The following KCNMA1 variants were observed in gnomAD, a reference collection of about 807,000 sequenced individuals.
KCNMA1 encodes Calcium-activated potassium channel subunit alpha-1.
A neutral mutation model predicts 140.0 loss-of-function variants in KCNMA1; 29 were observed. That is an observed-to-expected ratio of 0.21 (90% CI 0.15 to 0.28). KCNMA1 has a LOEUF of 0.28. Among genes scored for constraint, KCNMA1 ranks in the 10% least tolerant of loss-of-function variants. The pLI, the probability that KCNMA1 is intolerant of heterozygous loss-of-function variation, is 1.00. For missense variants in KCNMA1, 880 were observed against 1,602.2 expected (o/e 0.55, Z 7.70); for synonymous variants, 612 against 611.9 (o/e 1.00, Z 0.00).
At chr10:77,126,146 A>G (rs2097727746) in intron 5 of KCNMA1, among the ~76,000 whole-genome samples, 1 of 152,150 alleles carries the variant, frequency 6.6e-6, no homozygotes, top group Admixed American at 6.5e-5. Flanking sequence ...TTTATTCTAT[A>G]AAATCTCTGA....
chr10:76,917,038 T>A (rs1245747131), intron 23 of KCNMA1, among the ~76,000 whole-genome samples: 1 of 152,214 alleles, frequency 6.6e-6, no homozygotes, highest in Non-Finnish European at 1.5e-5. Context: ...AACTTTCGAA[T>A]ATATGTTTTT....
chr10:77,519,337 T>C (rs1164118234), intron 1 of KCNMA1, among the ~76,000 whole-genome samples: 1 of 152,242 alleles, frequency 6.6e-6, no homozygotes, highest in Non-Finnish European at 1.5e-5. Flanking sequence ...TATCCAGAGA[T>C]GAAAGGCTCC....
intron 19 of KCNMA1, among the ~76,000 whole-genome samples, chr10:76,983,146 A>G (rs1017376977): frequency 5.9e-5 from 9 of 152,226 alleles, no homozygotes; most frequent in Admixed American, 3.9e-4. Flanking sequence ...TATTTTCAAA[A>G]AATCATTTTC....
intron 1 of KCNMA1, among the ~76,000 whole-genome samples, chr10:77,616,068 T>C (rs1476851329): frequency 6.6e-6 from 1 of 152,182 alleles, no homozygotes. Context: ...TAATGCAAGG[T>C]AGAGCCAGGA....
chr10:77,208,002 G>A lies in KCNMA1; in HGVS notation c.603-23086C>T, dbSNP rs531193247. Among the ~76,000 whole-genome samples, 9 of 152,292 alleles carry A rather than the reference G, an allele frequency of 5.9e-5. No homozygotes were observed. In the South Asian group the frequency reaches 6.2e-4, roughly 11 times the overall value. ...TTCGCTTGCTTTGTGTAAACTGGCC[G>A]CACTTCTTTTGTCCTCATTTGGAAA... is the stretch of plus-strand genomic sequence containing the variant. On this transcript the variant is annotated intron_variant, in intron 3 of 27. Coordinates refer to ENST00000286628, the MANE Select transcript of KCNMA1 (RefSeq NM_001161352.2).
chr10:77,509,775 T>C (rs1397509850), intron 1 of KCNMA1, among the ~76,000 whole-genome samples: 1 of 152,158 alleles, frequency 6.6e-6, no homozygotes, highest in African/African-American at 2.4e-5. Flanking sequence ...AAAACAAAAA[T>C]TAACGTTATG....
At chr10:77,090,760 G>C (rs938516300) in intron 9 of KCNMA1, 15 of 563,340 alleles carry the variant, frequency 2.7e-5, no homozygotes, top group Non-Finnish European at 6.4e-6. Context: ...CCTATTAAAA[G>C]CCCAACTGTT....
At chr10:77,633,852 A>C (rs2093465184) in intron 1 of KCNMA1, among the ~76,000 whole-genome samples, 3 of 152,230 alleles carry the variant, frequency 2.0e-5, no homozygotes, top group Admixed American at 2.0e-4. Flanking sequence ...TTCCCCAGTT[A>C]TTTAAAGAGA....
intron 2 of KCNMA1, among the ~76,000 whole-genome samples, chr10:77,397,431 G>T (rs2096096311): frequency 6.6e-6 from 1 of 152,134 alleles, no homozygotes; most frequent in South Asian, 2.1e-4. Context: ...ATAATGATTA[G>T]ATCAGGGTAA....
intron 1 of KCNMA1, among the ~76,000 whole-genome samples, chr10:77,439,354 A>C (rs1029433753): frequency 2.6e-5 from 4 of 152,216 alleles, no homozygotes; most frequent in Admixed American, 6.5e-5. Flanking sequence ...TTAGAGGTGG[A>C]GCCCAGATGT....
At chr10:77,098,603 C>T (rs1301732231) in intron 9 of KCNMA1, among the ~76,000 whole-genome samples, 1 of 151,528 alleles carries the variant, frequency 6.6e-6, no homozygotes, top group African/African-American at 2.4e-5. Context: ...AACTTTTCTT[C>T]TTAAGTCAGC....
At position 76,944,983 on chromosome 10, in the gene KCNMA1, G is replaced by GA. The variant is rs112408409; in HGVS notation, c.2710-19dup. The GA allele has an allele frequency of 4.8e-3, 7,275 of 1,529,182 alleles. 40 individuals carry two copies. Among genetic ancestry groups the GA allele is most frequent in the African/African-American group, 0.036 (2,554 of 71,886 alleles). The allele number at this position is 1,529,182 out of a possible 1,614,324, so 94.7% of individuals were successfully genotyped here. On this transcript the variant is annotated intron_variant, in intron 22 of 27. Coordinates refer to ENST00000286628, the MANE Select transcript of KCNMA1 (RefSeq NM_001161352.2). ...GGCGTACCCTTTGGCATAGAGGAAA[G>GA]AAAAAAAAACAGAGATGGGGGGAGA...
At chr10:77,380,045 T>C (rs1463480530) in intron 2 of KCNMA1, among the ~76,000 whole-genome samples, 3 of 152,200 alleles carry the variant, frequency 2.0e-5, no homozygotes, top group East Asian at 1.9e-4. Context: ...AAATCCTTCA[T>C]AAACACTAGT....
intron 2 of KCNMA1, among the ~76,000 whole-genome samples, chr10:77,312,405 C>T (rs1241550671): frequency 6.6e-6 from 1 of 152,226 alleles, no homozygotes; most frequent in East Asian, 1.9e-4. Flanking sequence ...GCAGGCGGAT[C>T]ACCTGAGGTC....
chr10:77,198,161 G>C (rs2041228958), intron 3 of KCNMA1, among the ~76,000 whole-genome samples: 1 of 152,130 alleles, frequency 6.6e-6, no homozygotes, highest in Non-Finnish European at 1.5e-5. Flanking sequence ...GTTACATAAA[G>C]ATACACACCA....
chr10:76,911,744 G>A (rs1331582725), intron 24 of KCNMA1: 2 of 152,170 alleles, frequency 1.3e-5, no homozygotes, highest in East Asian at 3.9e-4. Flanking sequence ...CTTGCTCAGG[G>A]GTCTTTCAAG....
intron 2 of KCNMA1, among the ~76,000 whole-genome samples, chr10:77,364,123 C>T (rs188459899): frequency 2.0e-3 from 309 of 152,078 alleles, no homozygotes; most frequent in Middle Eastern, 0.01. Flanking sequence ...ATTAAAATGC[C>T]AATTTTTATA....
At chr10:77,040,970 A>G (rs963138075) in intron 14 of KCNMA1, among the ~76,000 whole-genome samples, 1 of 152,172 alleles carries the variant, frequency 6.6e-6, no homozygotes, top group Non-Finnish European at 1.5e-5. Flanking sequence ...AAAGGATTTC[A>G]CAATGTAGTG....
chr10:77,172,488 C>G, intron 5 of KCNMA1, among the ~76,000 whole-genome samples: 1 of 152,112 alleles, frequency 6.6e-6, no homozygotes, highest in Admixed American at 6.5e-5. Flanking sequence ...TCTCTAGAAG[C>G]AGTTTTAGCT....
Sources: gnomAD v4.1 joint callset for allele counts (sites outside exome capture counted in the v4.1 genomes callset) on GRCh38, gnomAD v4.1.1 for gene constraint, MANE v1.5 for transcripts, NCBI Gene and HGNC (gene_info 2026-07-23, HGNC 2026-07-21) for gene names.